DLG2: variants seen among roughly 807,000 people sequenced by gnomAD.
The protein encoded by DLG2 is discs large MAGUK scaffold protein 2, also known as disks large homolog 2.
DLG2 carries 45 observed loss-of-function variants against 132.5 expected under a neutral mutation model. The ratio of observed to expected loss-of-function variants is 0.34; its 90% CI spans 0.27 to 0.44. The LOEUF (loss-of-function observed/expected upper bound fraction) is 0.44. Ranked by LOEUF, DLG2 falls within the 20% of genes least tolerant of loss-of-function variation. DLG2 has a pLI of 1.00. For missense variants in DLG2, 1,045 were observed against 1,196.9 expected (o/e 0.87, Z 1.87); for synonymous variants, 424 against 419.6 (o/e 1.01, Z -0.13).
At chr11:83,582,509 T>C (rs1593724312) in intron 19 of DLG2, among the ~76,000 whole-genome samples, 1 of 152,220 alleles carries the variant, frequency 6.6e-6, no homozygotes, top group Non-Finnish European at 1.5e-5. Context: ...ACATTCTCAG[T>C]ATCCTCACAA....
chr11:84,320,292 T>C (rs762309249), intron 7 of DLG2, among the ~76,000 whole-genome samples: 2 of 152,122 alleles, frequency 1.3e-5, no homozygotes, highest in Non-Finnish European at 2.9e-5. Context: ...TAATAAAAAA[T>C]AGCAAAAATG....
chr11:85,537,512 G>GCATAAAACTTTGATTA (rs2075675317), intron 3 of DLG2, among the ~76,000 whole-genome samples: 1 of 150,976 alleles, frequency 6.6e-6, no homozygotes, highest in African/African-American at 2.4e-5. Context: ...CAGGAGGGAT[G>GCATAAAACTTTGATTA]AACAACTCCA....
At chr11:83,945,313 A>G (rs2083574824) in intron 14 of DLG2, among the ~76,000 whole-genome samples, 2 of 152,188 alleles carry the variant, frequency 1.3e-5, no homozygotes, top group Admixed American at 6.5e-5. Flanking sequence ...AGGGAGTAGG[A>G]TAACTGAAAT....
At chr11:84,485,662 A>G (rs2099148838) in intron 7 of DLG2, among the ~76,000 whole-genome samples, 2 of 152,166 alleles carry the variant, frequency 1.3e-5, no homozygotes, top group South Asian at 4.1e-4. Flanking sequence ...AAACTTGATA[A>G]AGGTTTTGTG....
At chr11:83,599,900 A>T (rs2058247851) in intron 19 of DLG2, among the ~76,000 whole-genome samples, 1 of 152,232 alleles carries the variant, frequency 6.6e-6, no homozygotes, top group Non-Finnish European at 1.5e-5. Flanking sequence ...TCTTTGAATT[A>T]AGTTCATGAG....
rs2091397344 is a variant in DLG2, at chr11:83,971,783, G to A, written c.1057-6315C>T. ...ACCAATCCAATGTAGTAATGCCAAT[G>A]CTATGAAAATAAATATGCATAAACC... On this transcript the variant is annotated intron_variant, in intron 12 of 27. Transcript: ENST00000376104. Among the ~76,000 whole-genome samples the A allele has an allele frequency of 2.6e-5, 4 of 152,090 alleles. No homozygotes were observed. In the South Asian group the frequency reaches 8.3e-4, roughly 32 times the overall value.
intron 3 of DLG2, among the ~76,000 whole-genome samples, chr11:85,316,098 C>T (rs922078779): frequency 1.3e-5 from 2 of 151,900 alleles, no homozygotes; most frequent in Admixed American, 1.3e-4. Flanking sequence ...GGCTTGAGCA[C>T]AGCTCGAACA....
intron 7 of DLG2, among the ~76,000 whole-genome samples, chr11:84,454,993 C>T (rs1027308161): frequency 2.6e-5 from 4 of 151,320 alleles, no homozygotes; most frequent in Non-Finnish European, 5.9e-5. Flanking sequence ...AATTATTCTT[C>T]AATAAGGACA....
chr11:85,351,481 C>T (rs918057378), intron 3 of DLG2, among the ~76,000 whole-genome samples: 1 of 152,150 alleles, frequency 6.6e-6, no homozygotes, highest in Non-Finnish European at 1.5e-5. Context: ...GCATTCTTGT[C>T]TTGTGCCAGT....
At chr11:85,330,700 C>T (rs1321523333) in intron 3 of DLG2, among the ~76,000 whole-genome samples, 5 of 104,634 alleles carry the variant, frequency 4.8e-5, no homozygotes, top group African/African-American at 7.6e-5. Flanking sequence ...GTGGGTGCAG[C>T]GCACCAGCAT....
At chr11:84,016,587 C>T (rs929744257) in intron 11 of DLG2, among the ~76,000 whole-genome samples, 4 of 152,094 alleles carry the variant, frequency 2.6e-5, no homozygotes, top group Admixed American at 2.0e-4. Context: ...GTTCTCCCAG[C>T]ATCATTTATT....
At chr11:84,254,178 T>C (rs1366236123) in intron 7 of DLG2, among the ~76,000 whole-genome samples, 1 of 152,174 alleles carries the variant, frequency 6.6e-6, no homozygotes, top group East Asian at 1.9e-4. Flanking sequence ...TTTTCTAGTA[T>C]AGCTTTGATT....
chr11:84,734,367 T>G (rs948793460), intron 6 of DLG2, among the ~76,000 whole-genome samples: 4 of 152,188 alleles, frequency 2.6e-5, no homozygotes, highest in African/African-American at 4.8e-5. Flanking sequence ...CCTTGTAAGT[T>G]GGATTCCTAG....
chr11:85,065,012 G>T (rs536045955), intron 6 of DLG2, among the ~76,000 whole-genome samples: 1 of 151,680 alleles, frequency 6.6e-6, no homozygotes, highest in South Asian at 2.1e-4. Context: ...TAGTATATCT[G>T]TGGTATAAAA....
intron 6 of DLG2, among the ~76,000 whole-genome samples, chr11:84,648,976 A>G (rs1481711784): frequency 6.6e-6 from 1 of 152,176 alleles, no homozygotes; most frequent in Admixed American, 6.5e-5. Context: ...CTGAGTAATT[A>G]TGATTTATTA....
chr11:84,949,489 T>C (rs1201860404), intron 6 of DLG2, among the ~76,000 whole-genome samples: 1 of 139,740 alleles, frequency 7.2e-6, no homozygotes, highest in East Asian at 2.4e-4. Context: ...ATTTCATCCC[T>C]GCAGTCTCAA....
chr11:83,665,762 A>G (rs1276347243), intron 18 of DLG2, among the ~76,000 whole-genome samples: 2 of 152,208 alleles, frequency 1.3e-5, no homozygotes, highest in Non-Finnish European at 2.9e-5. Flanking sequence ...AAAAATGAAT[A>G]ATTTCTACTA....
intron 18 of DLG2, among the ~76,000 whole-genome samples, chr11:83,782,924 G>A (rs999842404): frequency 3.3e-5 from 5 of 152,058 alleles, no homozygotes; most frequent in Non-Finnish European, 7.4e-5. Context: ...CTGTGAAGTG[G>A]CATTACAGCA....
At chr11:84,867,915 A>G (rs1308713658) in intron 6 of DLG2, among the ~76,000 whole-genome samples, 1 of 152,134 alleles carries the variant, frequency 6.6e-6, no homozygotes, top group Admixed American at 6.5e-5. Flanking sequence ...TCTACTAAAA[A>G]TACAAAAAAT....
Sources: gnomAD v4.1 joint callset for allele counts (sites outside exome capture counted in the v4.1 genomes callset) on GRCh38, gnomAD v4.1.1 for gene constraint, MANE v1.5 for transcripts, NCBI Gene and HGNC (gene_info 2026-07-23, HGNC 2026-07-21) for gene names.